FER: variants seen among roughly 807,000 people sequenced by gnomAD.
FER encodes FER tyrosine kinase, also known as tyrosine-protein kinase Fer.
A neutral mutation model predicts 111.0 loss-of-function variants in FER; 63 were observed. That is an observed-to-expected ratio of 0.57 (90% CI 0.46 to 0.70). The LOEUF is 0.70. Ranked by LOEUF, FER falls within the 30% of genes least tolerant of loss-of-function variation. FER has a pLI of 0.00. For missense variants in FER, 914 were observed against 954.0 expected (o/e 0.96, Z 0.55); for synonymous variants, 327 against 313.9 (o/e 1.04, Z -0.44).
At chr5:108,911,579 G>C (rs1197810184) in intron 10 of FER, among the ~76,000 whole-genome samples, 1 of 151,984 alleles carries the variant, frequency 6.6e-6, no homozygotes, top group Non-Finnish European at 1.5e-5. Context: ...GTTTTCTTCT[G>C]GAATTTTTAT....
At chr5:109,024,479 G>T (rs1768384678) in intron 13 of FER, among the ~76,000 whole-genome samples, 1 of 152,092 alleles carries the variant, frequency 6.6e-6, no homozygotes, top group South Asian at 2.1e-4. Context: ...CAACTCACAG[G>T]CAGGTCTCCT....
At chr5:108,908,352 T>C (rs1023385074) in intron 10 of FER, among the ~76,000 whole-genome samples, 1 of 152,174 alleles carries the variant, frequency 6.6e-6, no homozygotes, top group African/African-American at 2.4e-5. Context: ...AAGAATGAAA[T>C]TGCTAAAGAA....
intron 12 of FER, among the ~76,000 whole-genome samples, chr5:108,958,013 G>T (rs1177488138): frequency 6.6e-6 from 1 of 151,546 alleles, no homozygotes; most frequent in East Asian, 1.9e-4. Context: ...AGTTCTTTAG[G>T]CAGTGAATTA....
chr5:108,857,467 G>A (rs546810028), intron 5 of FER, among the ~76,000 whole-genome samples: 6 of 152,074 alleles, frequency 3.9e-5, no homozygotes, highest in African/African-American at 7.2e-5. Flanking sequence ...GGTGGTATAC[G>A]CTTGATTTCT....
At chr5:108,890,391 A>C (rs2150307303) in intron 9 of FER, among the ~76,000 whole-genome samples, 1 of 152,150 alleles carries the variant, frequency 6.6e-6, no homozygotes, top group Admixed American at 6.6e-5. Flanking sequence ...TGGAGGGTGA[A>C]AGTATGTAAT....
chr5:108,807,668 G>T (rs939242845), intron 3 of FER, among the ~76,000 whole-genome samples: 1 of 151,738 alleles, frequency 6.6e-6, no homozygotes, highest in African/African-American at 2.4e-5. Context: ...CTATCTTTAG[G>T]GTTAGTTCTT....
chr5:108,802,538 C>T (rs901694566), intron 3 of FER, among the ~76,000 whole-genome samples: 2 of 151,838 alleles, frequency 1.3e-5, no homozygotes, highest in African/African-American at 4.8e-5. Flanking sequence ...TCTGTAGTGC[C>T]CATTGTTTCC....
At chr5:108,974,312 G>A (rs1286115323) in intron 13 of FER, among the ~76,000 whole-genome samples, 1 of 152,146 alleles carries the variant, frequency 6.6e-6, no homozygotes, top group Non-Finnish European at 1.5e-5. Flanking sequence ...AGACAGTTGA[G>A]GAAAGGACAA....
At chr5:109,052,364 A>G in intron 16 of FER, 1 of 1,582,924 alleles carries the variant, frequency 6.3e-7, no homozygotes, top group South Asian at 1.1e-5. Flanking sequence ...AGGATTTGGA[A>G]AATGAAAAGT....
chr5:108,786,128 C>T (rs73207512), intron 2 of FER, among the ~76,000 whole-genome samples: 3,166 of 152,292 alleles, frequency 0.021, 110 homozygotes, highest in African/African-American at 0.072. Flanking sequence ...GAGATTTACT[C>T]ACTTTTAAAA....
intron 16 of FER, among the ~76,000 whole-genome samples, chr5:109,066,786 C>G (rs79146541): frequency 6.6e-6 from 1 of 152,030 alleles, no homozygotes; most frequent in Non-Finnish European, 1.5e-5. Context: ...ATACAAAATA[C>G]GCTGGTGAAA....
intron 16 of FER, among the ~76,000 whole-genome samples, chr5:109,081,336 C>T (rs548169856): frequency 6.6e-6 from 1 of 152,088 alleles, no homozygotes; most frequent in South Asian, 2.1e-4. Flanking sequence ...CTAAGAAAAA[C>T]ATTTGAAACA....
At chr5:109,081,060 G>A (rs1776933817) in intron 16 of FER, among the ~76,000 whole-genome samples, 1 of 152,074 alleles carries the variant, frequency 6.6e-6, no homozygotes, top group Non-Finnish European at 1.5e-5. Context: ...TTATTGGGCT[G>A]AGCTTCCTGG....
intron 17 of FER, among the ~76,000 whole-genome samples, chr5:109,174,187 G>A (rs1757445691): frequency 6.6e-6 from 1 of 152,196 alleles, no homozygotes. Context: ...AAAGGGAAGA[G>A]AAGAGGTGAG....
intron 17 of FER, among the ~76,000 whole-genome samples, chr5:109,136,868 CAAGT>C (rs1752949590): frequency 6.6e-6 from 1 of 152,088 alleles, no homozygotes; most frequent in Non-Finnish European, 1.5e-5. Context: ...TTGTATAAAA[CAAGT>C]AAATTCCCAA....
rs10044305 is a variant in FER at position 108,777,870 on chromosome 5, A to T, written c.-60+9632A>T. Among the ~76,000 whole-genome samples the T allele has an allele frequency of 1.4e-3, 208 of 152,040 alleles. 2 individuals carry two copies. Among genetic ancestry groups the T allele is most frequent in the African/African-American group, 4.7e-3 (195 of 41,444 alleles). On this transcript the variant is annotated intron_variant, in intron 2 of 19. Transcript: ENST00000281092. ...ATCTCGTGAGACCCATTCACGATCA[A>T]GAGAATAGCAAGGGAAAGACCCACC...
At chr5:109,047,226 A>G in intron 16 of FER, 28 bp downstream of exon 16, 1 of 1,302,460 alleles carries the variant, frequency 7.7e-7, no homozygotes, top group South Asian at 1.2e-5. Context: ...TTTTTGCATG[A>G]TGACATTTTA....
chr5:108,913,082 G>A (rs1290218833), intron 10 of FER, among the ~76,000 whole-genome samples: 4 of 152,156 alleles, frequency 2.6e-5, no homozygotes, highest in Non-Finnish European at 4.4e-5. Context: ...GTAAATGAAA[G>A]GGAGTGTCTG....
At position 109,192,024 on chromosome 5, in the gene FER, C is replaced by T. The variant is rs574476603; in HGVS notation, c.*4449C>T. On this transcript the variant is annotated 3_prime_UTR_variant, in exon 20 of 20. Transcript: ENST00000281092. ...CCCATTAAAAGCCATCCTCCTGCCT[C>T]ATACCGATTCAGAAATTAAATTCTG... 6.6e-6 allele frequency: 1 copy of T among 152,260 alleles called. No individual in the cohort carries two copies. The highest frequency in any genetic ancestry group is 1.9e-4 in the East Asian group (1 of 5,190). The allele number at this position is 152,260 out of a possible 1,614,324, so 9.4% of individuals were successfully genotyped here.
Sources: gnomAD v4.1 joint callset for allele counts (sites outside exome capture counted in the v4.1 genomes callset) on GRCh38, gnomAD v4.1.1 for gene constraint, MANE v1.5 for transcripts, NCBI Gene and HGNC (gene_info 2026-07-23, HGNC 2026-07-21) for gene names.